STXBP6: variants seen among roughly 807,000 people sequenced by gnomAD.
STXBP6 encodes the protein syntaxin binding protein 6.
STXBP6 carries 21 observed loss-of-function variants against 26.9 expected under a neutral mutation model. The observed-to-expected ratio is 0.78, with a 90% CI of 0.55 to 1.12. The LOEUF (loss-of-function observed/expected upper bound fraction) is 1.12, where lower values mean the gene tolerates loss of function less well. STXBP6 is among the 50% of genes most tolerant of loss of function. STXBP6 has a pLI of 0.00. For synonymous variants in STXBP6, 97 were observed against 92.6 expected, an observed-to-expected ratio of 1.05 and a Z score of -0.27; for missense variants, 232 against 257.9, an observed-to-expected ratio of 0.90 and a Z score of 0.69.
intron 2 of STXBP6, among the ~76,000 whole-genome samples, chr14:24,876,914 T>C (rs1294880693): frequency 6.6e-6 from 1 of 152,228 alleles, no homozygotes; most frequent in Non-Finnish European, 1.5e-5. Context: ...CTGAAGATGT[T>C]AAGCCTGGTT....
At chr14:24,929,748 T>G (rs1029010123) in intron 2 of STXBP6, among the ~76,000 whole-genome samples, 14 of 152,332 alleles carry the variant, frequency 9.2e-5, no homozygotes, top group African/African-American at 3.4e-4. Context: ...GATGGTCAAA[T>G]GACCTCTCCT....
chr14:24,819,127 C>G lies in STXBP6; in HGVS notation c.519G>C (p.Leu173Phe), dbSNP rs375183430. The change falls in exon 5 of 6, where the codon TTG becomes TTC. Residue 173 changes from leucine (L) to phenylalanine (F), a missense_variant. Coordinates refer to ENST00000323944, the MANE Select transcript of STXBP6 (RefSeq NM_001394410.1). The part of the protein sequence containing the change: ...TSAVQKASQA[L>F]NERGERLGRA... ...GGCCTAATCGCTCTCCACGCTCATT[C>G]AAGGCCTGGCTTGCCTTCTGCACTG... 6.2e-7 allele frequency: 1 copy of G among 1,614,130 alleles called. No individual in the cohort carries two copies. Among genetic ancestry groups the G allele is most frequent in the Non-Finnish European group, 8.5e-7 (1 of 1,180,002 alleles).
chr14:24,813,022 C>T lies in STXBP6; in HGVS notation c.610-290G>A, dbSNP rs552483618. Among the ~76,000 whole-genome samples, 21 of 152,110 alleles carry T rather than the reference C, an allele frequency of 1.4e-4. No individual in the cohort carries two copies. The South Asian group carries it at 3.9e-3, about 29-fold the overall frequency. The stretch of plus-strand genomic sequence containing the variant: ...GTGTTCCTACATCACACTGAAGGAA[C>T]AAATGAAAAAACCAATGGACAGGCA... On this transcript the variant is annotated intron_variant, in intron 5 of 5. Transcript: ENST00000323944.
intron 5 of STXBP6, among the ~76,000 whole-genome samples, chr14:24,814,385 G>A (rs1359768113): frequency 2.0e-5 from 3 of 152,222 alleles, no homozygotes; most frequent in Non-Finnish European, 2.9e-5. Context: ...TCAACACAGA[G>A]TGGTTAAGTG....
At chr14:25,007,716 T>C (rs529527907) in intron 1 of STXBP6, among the ~76,000 whole-genome samples, 8 of 152,294 alleles carry the variant, frequency 5.3e-5, no homozygotes, top group Non-Finnish European at 1.0e-4. Context: ...ATCAATACAA[T>C]TATTTGAATT....
rs1041261884 is a variant in STXBP6 at position 24,811,945 on chromosome 14, G to A, written c.*764C>T. On this transcript the variant is annotated 3_prime_UTR_variant, in exon 6 of 6. Coordinates refer to ENST00000323944, the MANE Select transcript of STXBP6 (RefSeq NM_001394410.1). ...AGAGAAACATCTGTGAGTACACAGA[G>A]GGTTTTAGGTAGGCTTTTCTTTAGG... The A allele has an allele frequency of 2.0e-5, 3 of 152,108 alleles. No individual in the cohort carries two copies. The highest frequency in any genetic ancestry group is 7.2e-5 in the African/African-American group (3 of 41,420). The allele number at this position is 152,108 out of a possible 1,614,324, so 9.4% of individuals were successfully genotyped here.
At chr14:24,993,594 T>C (rs2074528187) in intron 1 of STXBP6, among the ~76,000 whole-genome samples, 1 of 152,194 alleles carries the variant, frequency 6.6e-6, no homozygotes, top group South Asian at 2.1e-4. Context: ...CTGGGGTAGA[T>C]TATTTTCCAG....
At chr14:25,015,825 C>T (rs2075136197) in intron 1 of STXBP6, among the ~76,000 whole-genome samples, 1 of 150,706 alleles carries the variant, frequency 6.6e-6, no homozygotes, top group Non-Finnish European at 1.5e-5. Context: ...GCTCAAACTG[C>T]TACTTCTCCT....
chr14:24,935,731 T>A (rs1233155125), intron 2 of STXBP6, among the ~76,000 whole-genome samples: 1 of 152,222 alleles, frequency 6.6e-6, no homozygotes, highest in East Asian at 1.9e-4. Flanking sequence ...AAAATACAAT[T>A]ATACTAGATT....
intron 2 of STXBP6, among the ~76,000 whole-genome samples, chr14:24,955,621 C>T (rs142981842): frequency 1.7e-3 from 266 of 152,114 alleles, no homozygotes; most frequent in African/African-American, 4.8e-3. Flanking sequence ...GAACATATGG[C>T]CCATGATGAG....
At chr14:24,867,312 G>T (rs1352861021) in intron 2 of STXBP6, among the ~76,000 whole-genome samples, 1 of 152,118 alleles carries the variant, frequency 6.6e-6, no homozygotes, top group Non-Finnish European at 1.5e-5. Context: ...TCTTGATCTT[G>T]ATCTTGATCA....
At position 24,826,529 on chromosome 14, in the gene STXBP6, G is replaced by A. The variant is rs548513464; in HGVS notation, c.452-7335C>T. 7.9e-5 allele frequency among the ~76,000 whole-genome samples: 12 copies of A among 152,088 alleles called. No homozygotes were observed. In the East Asian group the frequency reaches 9.7e-4, roughly 12 times the overall value. ...GGAGTCTGCCCCTACTGTTACTTTCGTATGCCACAATTCTTTTGAACTTCC... is the reference window on the plus strand; with the variant it reads ...GGAGTCTGCCCCTACTGTTACTTTCATATGCCACAATTCTTTTGAACTTCC... On this transcript the variant is annotated intron_variant, in intron 4 of 5. Coordinates refer to ENST00000323944, the MANE Select transcript of STXBP6 (RefSeq NM_001394410.1).
At chr14:24,999,236 C>T (rs796760875) in intron 1 of STXBP6, among the ~76,000 whole-genome samples, 20 of 152,006 alleles carry the variant, frequency 1.3e-4, no homozygotes, top group African/African-American at 2.9e-4. Context: ...CACCCTTAGG[C>T]GTATCTTATT....
intron 5 of STXBP6, chr14:24,818,043 A>G: frequency 2.2e-6 from 1 of 456,668 alleles, no homozygotes; most frequent in Non-Finnish European, 4.4e-6. Flanking sequence ...TAGGTTATCC[A>G]TCCTTGTTTC....
At chr14:24,843,322 C>T (rs1017348067) in intron 4 of STXBP6, among the ~76,000 whole-genome samples, 3 of 152,052 alleles carry the variant, frequency 2.0e-5, no homozygotes, top group Non-Finnish European at 2.9e-5. Context: ...TAAATACAGA[C>T]GACTGTACTT....
At chr14:25,044,202 GGCT>G (rs2075689527) in intron 1 of STXBP6, among the ~76,000 whole-genome samples, 1 of 144,920 alleles carries the variant, frequency 6.9e-6, no homozygotes, top group Admixed American at 6.9e-5. Context: ...AAAGGAATAC[GGCT>G]GCTATGAATA....
chr14:25,002,094 T>C (rs2074773810), intron 1 of STXBP6, among the ~76,000 whole-genome samples: 1 of 152,294 alleles, frequency 6.6e-6, no homozygotes, highest in Admixed American at 6.5e-5. Flanking sequence ...TTTACGTATA[T>C]CATAAACTAG....
At chr14:24,938,378 A>G (rs909202191) in intron 2 of STXBP6, among the ~76,000 whole-genome samples, 5 of 152,148 alleles carry the variant, frequency 3.3e-5, no homozygotes, top group South Asian at 2.1e-4. Context: ...CATCTCTGAC[A>G]ATTTTATCAT....
rs187019743 is a variant in STXBP6, at chr14:24,933,111, C to T, written c.154+41554G>A. On this transcript the variant is annotated intron_variant, in intron 2 of 5. Transcript: ENST00000323944. ...AATCCCAGCACTGTGGAGGCCAAGG[C>T]GGATGGATTGCTTGATCTCAGGAGT... 1.6e-3 allele frequency among the ~76,000 whole-genome samples: 246 copies of T among 152,256 alleles called. 1 individual carries two copies. Among genetic ancestry groups the T allele is most frequent in the Non-Finnish European group, 1.0e-3 (68 of 68,016 alleles).
Sources: gnomAD v4.1 joint callset for allele counts (sites outside exome capture counted in the v4.1 genomes callset) on GRCh38, gnomAD v4.1.1 for gene constraint, MANE v1.5 for transcripts, NCBI Gene and HGNC (gene_info 2026-07-23, HGNC 2026-07-21) for gene names.